AKR1E2: variants seen among roughly 807,000 people sequenced by gnomAD.
AKR1E2 encodes the protein 1,5-anhydro-D-fructose reductase.
AKR1E2 carries 43 observed loss-of-function variants against 41.9 expected under a neutral mutation model. That is an observed-to-expected ratio of 1.03 (90% CI 0.80 to 1.32). AKR1E2 has a LOEUF of 1.32. Among genes scored for constraint, AKR1E2 ranks in the 40% most tolerant of loss-of-function variants. AKR1E2 has a pLI of 0.00. For synonymous variants in AKR1E2, 121 were observed against 138.9 expected, an observed-to-expected ratio of 0.87 and a Z score of 0.91; for missense variants, 423 against 396.5, an observed-to-expected ratio of 1.07 and a Z score of -0.57.
the AKR1E2 span, among the ~76,000 whole-genome samples, chr10:4,860,718 TGCTC>T: frequency 2.6e-5 from 4 of 152,236 alleles, no homozygotes; most frequent in South Asian, 2.1e-4. Flanking sequence ...CCAAACTCTG[TGCTC>T]TCTCTAATAT....
In AKR1E2 at chr10:4,839,776, C is replaced by T. The variant is rs1833725069; in HGVS notation, c.630C>T (p.Cys210=). Residue 210 remains cysteine (C), a synonymous_variant, in exon 6 of 10, where the codon TGC becomes TGT. Transcript: ENST00000298375. ...YLTQKNLISF[C]QSRDVSVTAY... Reference sequence around the variant, plus strand: ...CTCAGAAGAATCTGATCAGTTTTTGCCAATCCAGAGATGTGTCCGTGACTG... The same window carrying T: ...CTCAGAAGAATCTGATCAGTTTTTGTCAATCCAGAGATGTGTCCGTGACTG... 2 of 1,614,008 alleles carry T rather than the reference C, an allele frequency of 1.2e-6. No homozygotes were observed. The highest frequency in any genetic ancestry group is 1.1e-5 in the South Asian group (1 of 91,074).
the AKR1E2 span, among the ~76,000 whole-genome samples, chr10:4,864,418 T>G: frequency 6.6e-6 from 1 of 152,176 alleles, no homozygotes; most frequent in Non-Finnish European, 1.5e-5. Context: ...CAGCCCTTCA[T>G]GCTAAAAACT....
At chr10:4,844,268 T>C (rs905249221) in intron 8 of AKR1E2, among the ~76,000 whole-genome samples, 1 of 152,042 alleles carries the variant, frequency 6.6e-6, no homozygotes, top group Non-Finnish European at 1.5e-5. Flanking sequence ...GTGGCGCGTC[T>C]GGAGTTGTTC....
At chr10:4,847,251 T>C in intron 9 of AKR1E2, 21 bp downstream of exon 9, 1 of 1,613,744 alleles carries the variant, frequency 6.2e-7, no homozygotes, top group Non-Finnish European at 8.5e-7. Flanking sequence ...CTCCTTCTTT[T>C]TAAAACAGAG....
chr10:4,854,556 G>A, the AKR1E2 span, among the ~76,000 whole-genome samples: 49 of 152,110 alleles, frequency 3.2e-4, no homozygotes, highest in South Asian at 7.3e-3. Flanking sequence ...GGAACCCCCC[G>A]CCCCGACCCA....
intron 8 of AKR1E2, among the ~76,000 whole-genome samples, chr10:4,845,400 C>T (rs769064737): frequency 5.1e-4 from 78 of 151,730 alleles, no homozygotes; most frequent in East Asian, 9.7e-4. Flanking sequence ...CCTCAAGTGC[C>T]GCCAAAGTGG....
chr10:4,856,041 C>T, the AKR1E2 span, among the ~76,000 whole-genome samples: 10 of 152,278 alleles, frequency 6.6e-5, no homozygotes, highest in East Asian at 1.7e-3. Context: ...CCCAAACTTA[C>T]CAAGGTTTTT....
chr10:4,854,101 T>G, the AKR1E2 span, among the ~76,000 whole-genome samples: 1 of 150,770 alleles, frequency 6.6e-6, no homozygotes, highest in Admixed American at 6.6e-5. Flanking sequence ...TTTTTTTTTT[T>G]TTTTTTTTTT....
chr10:4,865,885 C>T, the AKR1E2 span, among the ~76,000 whole-genome samples: 1 of 152,134 alleles, frequency 6.6e-6, no homozygotes, highest in African/African-American at 2.4e-5. Flanking sequence ...AAATTGTATT[C>T]ATCATTATTC....
intron 1 of AKR1E2, among the ~76,000 whole-genome samples, chr10:4,827,089 A>AAAAG (rs1832594738): frequency 7.4e-6 from 1 of 134,262 alleles, no homozygotes; most frequent in African/African-American, 2.7e-5. Context: ...AAAAAAAAAA[A>AAAAG]AAAAGAAAAA....
chr10:4,861,506 G>A, the AKR1E2 span, among the ~76,000 whole-genome samples: 1 of 151,950 alleles, frequency 6.6e-6, no homozygotes, highest in Non-Finnish European at 1.5e-5. Flanking sequence ...AAGCAGCTGG[G>A]ATTACAGTTG....
chr10:4,835,693 A>C lies in AKR1E2; in HGVS notation c.343A>C (p.Ile115Leu). 5.0e-6 allele frequency: 8 copies of C among 1,614,060 alleles called. No homozygotes were observed. The highest frequency in any genetic ancestry group is 6.8e-6 in the Non-Finnish European group (8 of 1,180,006). Residue 115 changes from isoleucine (I) to leucine (L), a missense_variant, in exon 4 of 10, where the codon ATC becomes CTC. By Grantham distance (5) the Ile-to-Leu change is conservative. Coordinates refer to ENST00000298375, the MANE Select transcript of AKR1E2 (RefSeq NM_001040177.3). ...MGFKPPHPEW[I>L]MSCSELSFCL... is the part of the protein sequence containing the mutation. ...TTCGCAGCCTCCTCATCCAGAATGG[A>C]TCATGAGCTGCAGTGAACTTTCCTT... is the stretch of plus-strand genomic sequence containing the variant.
At chr10:4,843,958 CG>C (rs1834091111) in intron 8 of AKR1E2, among the ~76,000 whole-genome samples, 1 of 152,202 alleles carries the variant, frequency 6.6e-6, no homozygotes, top group Non-Finnish European at 1.5e-5. Context: ...TGGCTGCTGA[CG>C]GGCCTCTTGG....
chr10:4,833,509 TCCTC>T, intron 3 of AKR1E2, 43 bp downstream of exon 3: 1 of 1,521,724 alleles, frequency 6.6e-7, no homozygotes, highest in African/African-American at 1.4e-5. Context: ...TGCAGGACCT[TCCTC>T]CCCGTGCTCA....
downstream of AKR1E2, among the ~76,000 whole-genome samples, chr10:4,849,074 G>A (rs543338276): frequency 7.9e-5 from 12 of 152,294 alleles, no homozygotes; most frequent in African/African-American, 2.2e-4. Flanking sequence ...ACTTTGCTGC[G>A]GGTGTCACCA....
At chr10:4,847,354 T>C in intron 9 of AKR1E2, 124 bp downstream of exon 9, 2 of 1,543,780 alleles carry the variant, frequency 1.3e-6, no homozygotes, top group Non-Finnish European at 1.8e-6. Context: ...AATTCTTTCC[T>C]GTTTGAAGAT....
upstream of AKR1E2, chr10:4,826,048 G>C: frequency 2.6e-6 from 1 of 388,218 alleles, no homozygotes. Flanking sequence ...CCAGAGCGCG[G>C]TGCTTCCAGC....
At chr10:4,869,095 AG>A in the AKR1E2 span, among the ~76,000 whole-genome samples, 1 of 152,036 alleles carries the variant, frequency 6.6e-6, no homozygotes. Context: ...TGTTTTCTGA[AG>A]CGATTGTATA....
Position 4,842,779 on chromosome 10 carries a change from G to A in AKR1E2, c.837+275G>A, listed in dbSNP as rs544188147. 5.9e-5 allele frequency among the ~76,000 whole-genome samples: 9 copies of A among 152,302 alleles called. No individual in the cohort carries two copies. The East Asian group carries it at 1.7e-3, about 29-fold the overall frequency. ...AGAGCATCTTGTTGGGATGATTTGT[G>A]TGGGCCAGGCTGGAGCATGTGCACC... On this transcript the variant is annotated intron_variant, in intron 8 of 9. Transcript: ENST00000298375.
Sources: allele counts gnomAD v4.1 joint callset (sites outside exome capture counted in the v4.1 genomes callset), GRCh38; gene constraint gnomAD v4.1.1; transcripts MANE v1.5; gene names NCBI Gene and HGNC (gene_info 2026-07-23, HGNC 2026-07-21).